Variants in HECTD2 observed in about 807,000 individuals in gnomAD.
HECTD2 encodes HECT domain E3 ubiquitin protein ligase 2.
HECTD2 carries 35 observed loss-of-function variants against 103.2 expected under a neutral mutation model. That is an observed-to-expected ratio of 0.34 (90% CI 0.26 to 0.45). HECTD2 has a LOEUF of 0.45. Ranked by LOEUF, HECTD2 falls within the 20% of genes least tolerant of loss-of-function variation. HECTD2 has a pLI of 1.00. For synonymous variants in HECTD2, 281 were observed against 329.9 expected (o/e 0.85, Z 1.61); for missense variants, 596 against 937.4 (o/e 0.64, Z 4.76).
chr10:91,499,265 C>A, intron 18 of HECTD2, 115 bp downstream of exon 18: 1 of 625,810 alleles, frequency 1.6e-6, no homozygotes, highest in Non-Finnish European at 2.6e-6. Context: ...ATATTTTCTA[C>A]TTTTTAAAAG....
At chr10:91,451,166 A>G (rs770686977) in intron 2 of HECTD2, among the ~76,000 whole-genome samples, 12 of 152,334 alleles carry the variant, frequency 7.9e-5, no homozygotes, top group Non-Finnish European at 1.2e-4. Flanking sequence ...TATGGCACAT[A>G]TGCACCATGT....
chr10:91,440,556 C>T lies in HECTD2; in HGVS notation c.268+15146C>T, dbSNP rs532403766. On this transcript the variant is annotated intron_variant, in intron 2 of 20. Coordinates refer to ENST00000298068, the MANE Select transcript of HECTD2 (RefSeq NM_182765.6). ...AAATTTTCTTTTTTTGTTGTGTCTC[C>T]GCCAGGTTTTGGTATCAGGATGATG... is the stretch of plus-strand genomic sequence containing the variant. Among the ~76,000 whole-genome samples the T allele has an allele frequency of 1.4e-3, 199 of 146,698 alleles. 1 individual carries two copies. Among genetic ancestry groups the T allele is most frequent in the South Asian group, 3.4e-3 (15 of 4,412 alleles).
intron 2 of HECTD2, among the ~76,000 whole-genome samples, chr10:91,460,042 A>C (rs1845276931): frequency 6.6e-6 from 1 of 152,146 alleles, no homozygotes; most frequent in African/African-American, 2.4e-5. Flanking sequence ...GCAATGTGTG[A>C]CTATGTTCAA....
intron 1 of HECTD2, among the ~76,000 whole-genome samples, chr10:91,418,997 G>T (rs1843242925): frequency 6.6e-6 from 1 of 152,092 alleles, no homozygotes; most frequent in Non-Finnish European, 1.5e-5. Context: ...GAATTTTATA[G>T]ACATAGACGT....
chr10:91,410,718 C>A, intron 1 of HECTD2, 142 bp downstream of exon 1: 2 of 747,886 alleles, frequency 2.7e-6, no homozygotes, highest in Non-Finnish European at 3.7e-6. Context: ...GCCGCCCTTC[C>A]TTGGGCAGAA....
chr10:91,505,912 TAACA>T (rs1847143768), intron 20 of HECTD2, among the ~76,000 whole-genome samples: 3 of 152,072 alleles, frequency 2.0e-5, no homozygotes, highest in African/African-American at 7.3e-5. Flanking sequence ...ACAGACACTA[TAACA>T]AACTATCTCT....
At chr10:91,429,972 G>A (rs1430978500) in intron 2 of HECTD2, among the ~76,000 whole-genome samples, 1 of 152,092 alleles carries the variant, frequency 6.6e-6, no homozygotes, top group Admixed American at 6.5e-5. Context: ...TGTGATGTTA[G>A]GGTGTCAATT....
chr10:91,489,686 T>C (rs1846395586), intron 11 of HECTD2: 1 of 152,188 alleles, frequency 6.6e-6, no homozygotes, highest in Admixed American at 6.5e-5. Flanking sequence ...GACACTATGC[T>C]AGGAATGCAG....
intron 1 of HECTD2, among the ~76,000 whole-genome samples, chr10:91,421,041 T>C (rs763021803): frequency 1.3e-5 from 2 of 152,166 alleles, no homozygotes; most frequent in Non-Finnish European, 2.9e-5. Flanking sequence ...CTTCCCCCCC[T>C]CAGGCTTTTT....
intron 2 of HECTD2, among the ~76,000 whole-genome samples, chr10:91,454,310 A>G (rs913884111): frequency 6.6e-6 from 1 of 152,142 alleles, no homozygotes; most frequent in African/African-American, 2.4e-5. Flanking sequence ...AATTGAGATA[A>G]TGTAAAGTGT....
intron 7 of HECTD2, 61 bp downstream of exon 7, chr10:91,481,200 T>C (rs1441029240): frequency 1.4e-6 from 1 of 740,602 alleles, no homozygotes; most frequent in African/African-American, 1.8e-5. Context: ...TACATGTGTA[T>C]GTGAAATGAT....
intron 2 of HECTD2, among the ~76,000 whole-genome samples, chr10:91,448,878 GTAAT>G (rs1304343759): frequency 5.8e-5 from 4 of 68,814 alleles, no homozygotes; most frequent in Admixed American, 1.7e-4. Context: ...AATGGAGGCA[GTAAT>G]TAATAGCCTA....
At chr10:91,435,287 T>C (rs993657598) in intron 2 of HECTD2, among the ~76,000 whole-genome samples, 1 of 151,916 alleles carries the variant, frequency 6.6e-6, no homozygotes, top group Non-Finnish European at 1.5e-5. Flanking sequence ...TTGGGACATG[T>C]GGCAGAGCTG....
chr10:91,483,190 T>TATATTCACAATGC, intron 8 of HECTD2, 114 bp downstream of exon 8: 1 of 463,640 alleles, frequency 2.2e-6, no homozygotes, highest in Non-Finnish European at 3.8e-6. Flanking sequence ...AAATGATGCT[T>TATATTCACAATGC]ATATTCACAA....
chr10:91,504,207 A>C (rs1298366969), intron 20 of HECTD2, among the ~76,000 whole-genome samples: 1 of 152,200 alleles, frequency 6.6e-6, no homozygotes, highest in Non-Finnish European at 1.5e-5. Flanking sequence ...GGAAACTCTA[A>C]AAATCAGAGC....
chr10:91,510,857 C>T (rs112581557), intron 20 of HECTD2, among the ~76,000 whole-genome samples: 8 of 152,298 alleles, frequency 5.3e-5, no homozygotes, highest in African/African-American at 1.9e-4. Flanking sequence ...TTAAGTCAGA[C>T]TGATCTGGGT....
chr10:91,430,248 T>C (rs1843783616), intron 2 of HECTD2, among the ~76,000 whole-genome samples: 3 of 152,178 alleles, frequency 2.0e-5, no homozygotes, highest in African/African-American at 7.2e-5. Flanking sequence ...GAGAGACAGT[T>C]TGTTATAATT....
intron 5 of HECTD2, 62 bp downstream of exon 5, chr10:91,462,246 A>G: frequency 3.4e-6 from 5 of 1,453,862 alleles, no homozygotes; most frequent in Non-Finnish European, 4.6e-6. Context: ...AAAAGCAGCC[A>G]TACAAATATT....
intron 2 of HECTD2, among the ~76,000 whole-genome samples, chr10:91,429,478 G>A (rs1843736819): frequency 6.6e-6 from 1 of 151,994 alleles, no homozygotes; most frequent in African/African-American, 2.4e-5. Flanking sequence ...TGTACCTCTG[G>A]TAGAATTTGG....
Sources: allele counts gnomAD v4.1 joint callset (sites outside exome capture counted in the v4.1 genomes callset), GRCh38; gene constraint gnomAD v4.1.1; transcripts MANE v1.5; gene names NCBI Gene and HGNC (gene_info 2026-07-23, HGNC 2026-07-21).